The following GSE1 variants were observed in gnomAD, a reference collection of about 807,000 sequenced individuals.
The protein encoded by GSE1 is Gse1 coiled-coil protein.
In GSE1, 32 loss-of-function variants were observed where a neutral mutation model predicts 112.6. The ratio of observed to expected loss-of-function variants is 0.28; its 90% CI spans 0.21 to 0.38. The LOEUF (loss-of-function observed/expected upper bound fraction) is 0.38, where lower values mean the gene tolerates loss of function less well. Among genes scored for constraint, GSE1 ranks in the 10% least tolerant of loss-of-function variants. The pLI, the probability that GSE1 is intolerant of heterozygous loss-of-function variation, is 1.00. For missense variants in GSE1, 2,348 were observed against 1,699.2 expected (o/e 1.38, Z -6.71); for synonymous variants, 1,115 against 735.6 (o/e 1.52, Z -8.35).
intron 1 of GSE1, among the ~76,000 whole-genome samples, chr16:85,263,098 C>T (rs914724876): frequency 1.3e-5 from 2 of 152,084 alleles, no homozygotes; most frequent in Non-Finnish European, 2.9e-5. Flanking sequence ...ATTAGCGACG[C>T]GTAGTGATTA....
At chr16:85,274,157 G>A (rs921400877) in intron 1 of GSE1, among the ~76,000 whole-genome samples, 2 of 151,612 alleles carry the variant, frequency 1.3e-5, no homozygotes, top group African/African-American at 2.4e-5. Context: ...AGGCTGAAGC[G>A]GCTGGATCAC....
chr16:85,661,565 G>T lies in GSE1; in HGVS notation c.2060G>T (p.Gly687Val). 1.9e-6 allele frequency: 3 copies of T among 1,611,064 alleles called. No individual in the cohort carries two copies. The highest frequency in any genetic ancestry group is 1.7e-6 in the Non-Finnish European group (2 of 1,179,350). Residue 687 changes from glycine (G) to valine (V), a missense_variant, in exon 9 of 16, where the codon GGC becomes GTC. Physicochemically the swap from Gly to Val is moderately radical, Grantham distance 109 (BLOSUM62 -3). Transcript: ENST00000253458. ...ELEKSTQTIL[G>V]QQRASLPQAA... ...GAGAAGTCCACCCAGACCATCCTGG[G>T]CCAGCAGCGGGCCTCCCTCCCACAG... is the stretch of plus-strand genomic sequence containing the variant.
chr16:85,322,959 G>A (rs981813971), intron 1 of GSE1, among the ~76,000 whole-genome samples: 2 of 152,194 alleles, frequency 1.3e-5, no homozygotes, highest in African/African-American at 4.8e-5. Context: ...CGACTTCGGG[G>A]TCAGTGCTGA....
chr16:85,289,679 G>C (rs2045147567), intron 1 of GSE1, among the ~76,000 whole-genome samples: 1 of 152,176 alleles, frequency 6.6e-6, no homozygotes, highest in South Asian at 2.1e-4. Flanking sequence ...GATACAGGAG[G>C]GTGCAGAGGA....
At chr16:85,509,317 C>T (rs1170509729) in intron 2 of GSE1, among the ~76,000 whole-genome samples, 1 of 152,160 alleles carries the variant, frequency 6.6e-6, no homozygotes, top group Non-Finnish European at 1.5e-5. Context: ...GGGACCGGGG[C>T]TGCGGTCTTC....
chr16:85,204,057 G>C (rs935197093), intron 1 of GSE1, among the ~76,000 whole-genome samples: 1 of 152,122 alleles, frequency 6.6e-6, no homozygotes, highest in Non-Finnish European at 1.5e-5. Context: ...GGCATGAGCC[G>C]CCGTGCCTGG....
chr16:85,646,816 G>C (rs987631229), intron 2 of GSE1, among the ~76,000 whole-genome samples: 1 of 148,896 alleles, frequency 6.7e-6, no homozygotes, highest in Admixed American at 6.8e-5. Flanking sequence ...GGAACCCCAG[G>C]CCCAGGCCTC....
At chr16:85,214,243 G>A (rs987708467) in intron 1 of GSE1, among the ~76,000 whole-genome samples, 6 of 151,896 alleles carry the variant, frequency 4.0e-5, no homozygotes, top group African/African-American at 1.5e-4. Flanking sequence ...TGGGGTGAGG[G>A]CCCCCCCACC....
At chr16:85,486,769 T>C (rs1003117726) in intron 2 of GSE1, among the ~76,000 whole-genome samples, 1 of 151,910 alleles carries the variant, frequency 6.6e-6, no homozygotes, top group Non-Finnish European at 1.5e-5. Flanking sequence ...TTCTCGGGGG[T>C]TCCCCCAGCC....
At position 85,323,355 on chromosome 16, in the gene GSE1, C is replaced by T. The variant is rs1346450740; in HGVS notation, c.2284-34108C>T. On this transcript the variant is annotated intron_variant, in intron 1 of 2. Coordinates refer to the GSE1 transcript ENST00000637419. ...AGAATTAGTGGCCCACTTGGACTGCCTCTAGAAAGGGTGAGAGCCTAGAGG... is the reference window on the plus strand; with the variant it reads ...AGAATTAGTGGCCCACTTGGACTGCTTCTAGAAAGGGTGAGAGCCTAGAGG... Among the ~76,000 whole-genome samples, 5 of 152,258 alleles carry T rather than the reference C, an allele frequency of 3.3e-5. No homozygotes were observed. In the East Asian group the frequency reaches 7.7e-4, roughly 24 times the overall value.
At chr16:85,429,912 G>C (rs1221462925) in intron 2 of GSE1, among the ~76,000 whole-genome samples, 1 of 152,256 alleles carries the variant, frequency 6.6e-6, no homozygotes, top group African/African-American at 2.4e-5. Flanking sequence ...TGAGCTGTCA[G>C]CTCCACCAGT....
At chr16:85,210,574 G>T (rs1446246466) in intron 1 of GSE1, among the ~76,000 whole-genome samples, 1 of 152,104 alleles carries the variant, frequency 6.6e-6, no homozygotes, top group African/African-American at 2.4e-5. Context: ...GGGCAACAGA[G>T]TGAGACCTTG....
At chr16:85,455,492 T>C (rs1357334477) in intron 2 of GSE1, among the ~76,000 whole-genome samples, 1 of 152,160 alleles carries the variant, frequency 6.6e-6, no homozygotes, top group Non-Finnish European at 1.5e-5. Context: ...GCAGACCCCA[T>C]GGTCCCCTCC....
chr16:85,612,312 C>CCACAGGCG (rs2048044656), upstream of GSE1, among the ~76,000 whole-genome samples: 1 of 151,964 alleles, frequency 6.6e-6, no homozygotes, highest in Non-Finnish European at 1.5e-5. Context: ...AGTCCCTCTC[C>CCACAGGCG]GCGCCGCCTG....
intron 1 of GSE1, among the ~76,000 whole-genome samples, chr16:85,290,180 C>G (rs1057033763): frequency 5.9e-5 from 9 of 152,154 alleles, no homozygotes; most frequent in Non-Finnish European, 7.4e-5. Context: ...AGGGTCGTCC[C>G]CTTTGTGGCA....
chr16:85,300,476 C>G (rs1196305638), intron 1 of GSE1, among the ~76,000 whole-genome samples: 1 of 152,206 alleles, frequency 6.6e-6, no homozygotes, highest in African/African-American at 2.4e-5. Flanking sequence ...ATCCTGTAAC[C>G]ACTCATCCGC....
intron 2 of GSE1, among the ~76,000 whole-genome samples, chr16:85,384,822 G>A (rs1174946184): frequency 6.6e-6 from 1 of 152,208 alleles, no homozygotes; most frequent in Non-Finnish European, 1.5e-5. Context: ...GGATCCAGGA[G>A]GGAACACACA....
intron 2 of GSE1, among the ~76,000 whole-genome samples, chr16:85,377,274 G>A (rs1157585677): frequency 1.3e-5 from 2 of 152,142 alleles, no homozygotes; most frequent in African/African-American, 2.4e-5. Flanking sequence ...GCATCTGTGC[G>A]GTGTCTGAAT....
chr16:85,345,455 G>T (rs2046714507), intron 1 of GSE1, among the ~76,000 whole-genome samples: 2 of 152,108 alleles, frequency 1.3e-5, no homozygotes, highest in South Asian at 4.1e-4. Flanking sequence ...TGCTGCCTCT[G>T]GGCCATTGCG....
Sources: gnomAD v4.1 joint callset for allele counts (sites outside exome capture counted in the v4.1 genomes callset) on GRCh38, gnomAD v4.1.1 for gene constraint, MANE v1.5 for transcripts, NCBI Gene and HGNC (gene_info 2026-07-23, HGNC 2026-07-21) for gene names.